The following ABR variants were observed in gnomAD, a reference collection of about 807,000 sequenced individuals.
The protein encoded by ABR is ABR activator of RhoGEF and GTPase.
A neutral mutation model predicts 107.2 loss-of-function variants in ABR; 35 were observed. That is an observed-to-expected ratio of 0.33 (90% CI 0.25 to 0.43). ABR has a LOEUF of 0.43. Ranked by LOEUF, ABR falls within the 20% of genes least tolerant of loss-of-function variation. The probability of loss-of-function intolerance (pLI) is 1.00; values close to 1 mark genes in which losing one functional copy is unlikely to be tolerated. For synonymous variants in ABR, 498 were observed against 462.0 expected, an observed-to-expected ratio of 1.08 and a Z score of -1.00; for missense variants, 815 against 1,115.2, an observed-to-expected ratio of 0.73 and a Z score of 3.83.
intron 16 of ABR, among the ~76,000 whole-genome samples, chr17:1,045,657 C>T (rs866315772): frequency 4.6e-5 from 7 of 152,242 alleles, no homozygotes; most frequent in African/African-American, 1.7e-4. Flanking sequence ...TCTCCTGAGA[C>T]AGCAGATGGA....
chr17:1,032,215 C>T (rs141414212), intron 16 of ABR, among the ~76,000 whole-genome samples: 2 of 152,114 alleles, frequency 1.3e-5, no homozygotes, highest in Admixed American at 6.5e-5. Flanking sequence ...CCCTCCTCCC[C>T]GGGCAAAAGA....
intron 10 of ABR, among the ~76,000 whole-genome samples, chr17:1,065,596 A>G (rs1037761027): frequency 6.6e-6 from 1 of 152,018 alleles, no homozygotes; most frequent in Non-Finnish European, 1.5e-5. Context: ...AGGGCTATTC[A>G]TGTTCCTCTA....
Position 1,084,372 on chromosome 17 carries a change from G to A in ABR, c.532-745C>T, listed in dbSNP as rs1388003376. On this transcript the variant is annotated intron_variant, in intron 4 of 22. Coordinates refer to ENST00000302538, the MANE Select transcript of ABR (RefSeq NM_021962.5). The surrounding 1 kb of genome is among the most constrained non-coding windows in gnomAD (Gnocchi z 4.2). ...AGCCTGGGTGACAGAGTAAGACTCC[G>A]TCTCAAAAAGAAAACAAAACAACAA... Among the ~76,000 whole-genome samples the A allele has an allele frequency of 6.6e-6, 1 of 152,138 alleles. No individual in the cohort carries two copies. Among genetic ancestry groups the A allele is most frequent in the Admixed American group, 6.6e-5 (1 of 15,256 alleles).
At chr17:1,192,524 C>T (rs567581549) in intron 1 of ABR, among the ~76,000 whole-genome samples, 15 of 151,808 alleles carry the variant, frequency 9.9e-5, no homozygotes, top group African/African-American at 3.2e-4. Flanking sequence ...CACCTGTAAT[C>T]CCAGCATTCT....
In ABR at chr17:1,042,459, G is replaced by A. The variant is rs77661115; in HGVS notation, c.1791+7591C>T. On this transcript the variant is annotated intron_variant, in intron 16 of 22. Transcript: ENST00000302538. ...CAGATGGACAGGCGGATAAACAGAC[G>A]TGGCAGCTACATCCACGGGTGGGTG... is the stretch of plus-strand genomic sequence containing the variant. Among the ~76,000 whole-genome samples, 645 of 137,776 alleles carry A rather than the reference G, an allele frequency of 4.7e-3. 8 individuals are homozygous for A. The highest frequency in any genetic ancestry group is 0.015 in the African/African-American group (573 of 37,258). 90.4% of individuals were successfully genotyped at this position (137,776 alleles called of 152,430 possible). A position where few individuals can be genotyped will look rare whatever the true frequency, so the allele number is the denominator to read the frequency against.
rs2040646281 is a variant in ABR at position 1,148,459 on chromosome 17, C to T, written c.62-23092G>A. On this transcript the variant is annotated intron_variant, in intron 1 of 22. Transcript: ENST00000302538. This position sits in a 1 kb window ranked among gnomAD's most constrained non-coding sequence, Gnocchi z 4.9. ...GCTGGAGAAACGGGGAGCTGTTGTT[C>T]AATACAGGGGTCCCCAGCCCCCCCG... Among the ~76,000 whole-genome samples the T allele has an allele frequency of 6.6e-6, 1 of 152,134 alleles. No individual in the cohort carries two copies. The highest frequency in any genetic ancestry group is 2.4e-5 in the African/African-American group (1 of 41,420).
At position 1,005,945 on chromosome 17, in the gene ABR, G is replaced by C. The variant is rs2069990892; in HGVS notation, c.*135C>G. ...TGGCACAAAAGACGTACGCATTCCA[G>C]TTCTTGGAAGCTGGCTTCCCTCGAG... On this transcript the variant is annotated 3_prime_UTR_variant, in exon 23 of 23. Coordinates refer to ENST00000302538, the MANE Select transcript of ABR (RefSeq NM_021962.5). 9 of 850,986 alleles carry C rather than the reference G, an allele frequency of 1.1e-5. No homozygotes were observed. The South Asian group carries it at 1.3e-4, about 12-fold the overall frequency. 52.7% of individuals were successfully genotyped at this position (850,986 alleles called of 1,614,324 possible). A position where few individuals can be genotyped will look rare whatever the true frequency, so the allele number is the denominator to read the frequency against.
chr17:1,195,118 T>C (rs1414789750), intron 1 of ABR, among the ~76,000 whole-genome samples: 4 of 142,176 alleles, frequency 2.8e-5, no homozygotes, highest in Non-Finnish European at 6.1e-5. Context: ...CCATCCTGGC[T>C]AACACGGTGA....
At chr17:1,216,030 A>G (rs1364621173) in intron 1 of ABR, among the ~76,000 whole-genome samples, 2 of 149,242 alleles carry the variant, frequency 1.3e-5, no homozygotes, top group Admixed American at 6.7e-5. Flanking sequence ...CAGGGACACA[A>G]ACACTGCGGA....
chr17:1,159,286 G>A (rs74433956), intron 1 of ABR, among the ~76,000 whole-genome samples: 245 of 13,462 alleles, frequency 0.018, 1 homozygote, highest in East Asian at 0.032. Context: ...ACACGGGAGA[G>A]GTAAGAATGC....
In ABR at chr17:1,225,639, G is replaced by A. The variant is rs185594786; in HGVS notation, c.838+3154C>T. Among the ~76,000 whole-genome samples, 219 of 152,186 alleles carry A rather than the reference G, an allele frequency of 1.4e-3. 1 individual carries two copies. The highest frequency in any genetic ancestry group is 2.5e-3 in the Non-Finnish European group (169 of 68,010). Reference sequence around the variant, plus strand: ...TGCACTCCAGTCTAGGTGACAGAGCGGGACTCTGTCTCGACAAAAAAGAAA... The same window carrying A: ...TGCACTCCAGTCTAGGTGACAGAGCAGGACTCTGTCTCGACAAAAAAGAAA... On this transcript the variant is annotated intron_variant, in intron 1 of 22. Transcript: ENST00000574139.
intron 16 of ABR, among the ~76,000 whole-genome samples, chr17:1,022,197 T>C (rs1431554070): frequency 6.6e-6 from 1 of 151,472 alleles, no homozygotes; most frequent in Admixed American, 6.6e-5. Flanking sequence ...GGTGGAGCTG[T>C]GTGGGCACAT....
intron 6 of ABR, chr17:1,079,012 A>T: frequency 9.6e-7 from 1 of 1,045,410 alleles, no homozygotes; most frequent in South Asian, 2.3e-5. Context: ...AGCAAGGGGG[A>T]GGGGAGGGAG....
intron 16 of ABR, among the ~76,000 whole-genome samples, chr17:1,025,353 G>A (rs1032957263): frequency 6.6e-6 from 1 of 152,124 alleles, no homozygotes; most frequent in Non-Finnish European, 1.5e-5. Context: ...AATAAACAGT[G>A]TGAATAACAG....
chr17:1,163,512 C>T (rs912800121), intron 1 of ABR, among the ~76,000 whole-genome samples: 6 of 150,252 alleles, frequency 4.0e-5, no homozygotes, highest in African/African-American at 2.5e-5. Flanking sequence ...CTGCAAGACG[C>T]CCAGTGAACA....
In ABR at chr17:1,010,762, C is replaced by A. The variant is rs1266582845; in HGVS notation, c.2203G>T (p.Asp735Tyr). ...TCCATGAAGGCTGGGTAGAGTCGGT[C>A]CGTGAGGAGCGGCTCGGGCAGTTCC... is the stretch of plus-strand genomic sequence containing the variant. ...FRELPEPLLT[D>Y]RLYPAFMEGI... Residue 735 changes from aspartate (D) to tyrosine (Y), a missense_variant, in exon 20 of 23, where the codon GAC becomes TAC. Asp to Tyr is a radical substitution (Grantham distance 160). This residue lies in a region of ABR where 175 missense variants were observed against 284.3 expected (regional missense o/e 0.62). Coordinates refer to ENST00000302538, the MANE Select transcript of ABR (RefSeq NM_021962.5). The surrounding 1 kb of genome is among the most constrained non-coding windows in gnomAD (Gnocchi z 4.1). 3 of 1,613,702 alleles carry A rather than the reference C, an allele frequency of 1.9e-6. No homozygotes were observed. The highest frequency in any genetic ancestry group is 2.5e-6 in the Non-Finnish European group (3 of 1,180,012).
chr17:1,178,228 C>T (rs7222601), intron 1 of ABR, among the ~76,000 whole-genome samples: 86,275 of 151,284 alleles, frequency 0.57, 24,954 homozygotes, highest in African/African-American at 0.64. Flanking sequence ...TTCTCTACTC[C>T]CCCCACCCCC....
intron 1 of ABR, among the ~76,000 whole-genome samples, chr17:1,215,898 A>G (rs1313570309): frequency 5.6e-5 from 6 of 107,626 alleles, no homozygotes; most frequent in African/African-American, 1.3e-4. Context: ...GCTCTCTGAA[A>G]CATGTGCTGT....
intron 14 of ABR, among the ~76,000 whole-genome samples, chr17:1,054,173 C>T (rs1366106813): frequency 1.3e-5 from 2 of 152,186 alleles, no homozygotes; most frequent in African/African-American, 2.4e-5. Flanking sequence ...GGCGGGATGC[C>T]GGAGGCTCAG....
Sources: allele counts gnomAD v4.1 joint callset (sites outside exome capture counted in the v4.1 genomes callset), GRCh38; gene constraint gnomAD v4.1.1; regional missense constraint gnomAD v4.1.1; non-coding constraint Gnocchi (gnomAD v3.1); transcripts MANE v1.5; gene names NCBI Gene and HGNC (gene_info 2026-07-23, HGNC 2026-07-21).